SELENON: variants seen among roughly 807,000 people sequenced by gnomAD.
The protein encoded by SELENON is selenoprotein N, 1.
In SELENON, 44 loss-of-function variants were observed where a neutral mutation model predicts 59.5. The observed-to-expected ratio is 0.74, with a 90% confidence interval of 0.58 to 0.95. The LOEUF (loss-of-function observed/expected upper bound fraction) is 0.95, where lower values mean the gene tolerates loss of function less well. SELENON is among the 40% of genes least tolerant of loss of function. SELENON has a pLI of 0.00. For missense variants in SELENON, 674 were observed against 721.4 expected (o/e 0.93, Z 0.75); for synonymous variants, 320 against 305.6 (o/e 1.05, Z -0.49).
rs547129530 is a variant in SELENON, at chr1:25,807,634, G to T, written c.538-946G>T. On this transcript the variant is annotated intron_variant, in intron 4 of 12. Coordinates refer to ENST00000361547, the MANE Select transcript of SELENON (RefSeq NM_020451.3). The surrounding 1 kb of genome is among the most constrained non-coding windows in gnomAD (Gnocchi z 4.5). ...GTGGCAAGCCTACAAGCAGGACCCAGGAAGGCGGGCTCGGCCTGGCCCGGC... is the reference window on the plus strand; with the variant it reads ...GTGGCAAGCCTACAAGCAGGACCCATGAAGGCGGGCTCGGCCTGGCCCGGC... Among the ~76,000 whole-genome samples the T allele has an allele frequency of 6.6e-6, 1 of 152,194 alleles. No individual in the cohort carries two copies. The highest frequency in any genetic ancestry group is 2.4e-5 in the African/African-American group (1 of 41,468).
rs560163017 is a variant in SELENON, at chr1:25,808,773, C to T, written c.731C>T (p.Pro244Leu). The change falls in exon 5 of 13, where the codon CCG becomes CTG. Residue 244 changes from proline to leucine, a missense_variant. Coordinates refer to ENST00000361547, the MANE Select transcript of SELENON (RefSeq NM_020451.3). ...TCCAACAACCGCTTCTATCCACCGCCGCCCAAGGGCAAGGAGGTGAGGACA... is the reference window on the plus strand; with the variant it reads ...TCCAACAACCGCTTCTATCCACCGCTGCCCAAGGGCAAGGAGGTGAGGACA... 7.4e-6 allele frequency: 12 copies of T among 1,613,836 alleles called. No individual in the cohort carries two copies. The highest frequency in any genetic ancestry group is 4.5e-5 in the East Asian group (2 of 44,886).
intron 7 of SELENON, among the ~76,000 whole-genome samples, chr1:25,811,072 C>G (rs2047955187): frequency 6.6e-6 from 1 of 152,238 alleles, no homozygotes; most frequent in South Asian, 2.1e-4. Flanking sequence ...TGCTGCCCGC[C>G]AGAGGCCTGT....
chr1:25,813,899 G>A lies in SELENON; in HGVS notation c.1406G>A (p.Arg469Gln), dbSNP rs779162837. 20 of 1,613,994 alleles carry A rather than the reference G, an allele frequency of 1.2e-5. No individual in the cohort carries two copies. In the East Asian group the frequency reaches 1.6e-4, roughly 13 times the overall value. ...TGAACAGGTTCAGGGCGGACTCTCC[G>A]GGAGACTGTCCTGGAAAGTTCGCCC... The change falls in exon 11 of 13, where the codon CGG (arginine) becomes CAG (glutamine). Residue 469 changes from arginine to glutamine, a missense_variant. Physicochemically the swap from Arg to Gln is conservative, Grantham distance 43. Coordinates refer to ENST00000361547, the MANE Select transcript of SELENON (RefSeq NM_020451.3).
intron 10 of SELENON, 147 bp downstream of exon 9, chr1:25,812,939 G>A: frequency 1.6e-6 from 1 of 641,590 alleles, no homozygotes; most frequent in Non-Finnish European, 2.7e-6. Context: ...TGAGGGCTTG[G>A]GGGTTTCTGT....
intron 9 of SELENON, 74 bp downstream of exon 8, chr1:25,811,953 G>T: frequency 6.9e-7 from 1 of 1,450,774 alleles, no homozygotes; most frequent in Non-Finnish European, 9.4e-7. Context: ...GCAGCAGCTG[G>T]GCACAGACGC....
rs72877458 is a variant in SELENON, at chr1:25,809,365, T to C, written c.872+215T>C. Among the ~76,000 whole-genome samples, 4,889 of 152,272 alleles carry C rather than the reference T, an allele frequency of 0.032. 257 individuals carry two copies. The highest frequency in any genetic ancestry group is 0.11 in the African/African-American group (4,631 of 41,530). ...GCACGTGAGGGTTCAGAAAGAAAAG[T>C]TGTGGAACTTGCTTGGCACGGGGCT... On this transcript the variant is annotated intron_variant, in intron 6 of 12. Coordinates refer to ENST00000361547, the MANE Select transcript of SELENON (RefSeq NM_020451.3).
intron 12 of SELENON, 50 bp from the exon 12 acceptor site, chr1:25,815,498 G>A (rs2048002389): frequency 1.3e-6 from 2 of 1,556,710 alleles, no homozygotes; most frequent in African/African-American, 1.4e-5. Flanking sequence ...GGCACAGGGA[G>A]CCTGGGGGCC....
chr1:25,801,792 G>A lies in SELENON; in HGVS notation c.302-224G>A, dbSNP rs559536609. Among the ~76,000 whole-genome samples, 115 of 152,302 alleles carry A rather than the reference G, an allele frequency of 7.6e-4. 1 individual carries two copies. The highest frequency in any genetic ancestry group is 2.6e-3 in the African/African-American group (108 of 41,562). ...ACAGTAGCCCTGGGAGATGGACACTGTCATGATCCCCATGTTTAATAGTCT... is the reference window on the plus strand; with the variant it reads ...ACAGTAGCCCTGGGAGATGGACACTATCATGATCCCCATGTTTAATAGTCT... On this transcript the variant is annotated intron_variant, in intron 2 of 12. Coordinates refer to ENST00000361547, the MANE Select transcript of SELENON (RefSeq NM_020451.3).
At chr1:25,801,421 C>A (rs2047860300) in intron 2 of SELENON, among the ~76,000 whole-genome samples, 1 of 152,202 alleles carries the variant, frequency 6.6e-6, no homozygotes, top group African/African-American at 2.4e-5. Flanking sequence ...AATCCCAACA[C>A]TTTGGGAGAT....
chr1:25,806,089 G>A (rs1411985336), intron 4 of SELENON, among the ~76,000 whole-genome samples: 11 of 152,202 alleles, frequency 7.2e-5, no homozygotes, highest in Admixed American at 5.9e-4. Flanking sequence ...CACACAGCCC[G>A]ACCCAGCCTT....
chr1:25,809,139 T>C lies in SELENON; in HGVS notation c.861T>C (p.Thr287=). The change falls in exon 6 of 13, where the codon ACT becomes ACC. Residue 287 remains threonine (T), a synonymous_variant. Transcript: ENST00000361547. ...CTGCCATCAGCGACTTCTACTACAC[T>C]GTGATGTTCCGGTGAGTGGGCCACA... is the stretch of plus-strand genomic sequence containing the variant. 6.2e-7 allele frequency: 1 copy of C among 1,613,678 alleles called. No individual in the cohort carries two copies. Among genetic ancestry groups the C allele is most frequent in the Non-Finnish European group, 8.5e-7 (1 of 1,179,998 alleles).
Position 25,812,781 on chromosome 1 carries a change from A to AGTCCTGCTGAGGTGAGGG in SELENON, c.1378_1387+8dup. The stretch of plus-strand genomic sequence containing the variant: ...CTGCTGTGGGGGGCCCTGGATGACC[A>AGTCCTGCTGAGGTGAGGG]GTCCTGCTGAGGTGAGGGGCCCGGC... On this transcript the variant is annotated stop_gained and inframe_insertion, in exon 10 of 13. Transcript: ENST00000361547. LOFTEE classifies it high-confidence loss of function. 1 of 1,612,610 alleles carries AGTCCTGCTGAGGTGAGGG rather than the reference A, an allele frequency of 6.2e-7. No individual in the cohort carries two copies. The highest frequency in any genetic ancestry group is 8.5e-7 in the Non-Finnish European group (1 of 1,179,268).
In SELENON at chr1:25,809,679, A is replaced by G; in HGVS notation, c.873-4A>G. 1 of 1,613,740 alleles carries G rather than the reference A, an allele frequency of 6.2e-7. No individual in the cohort carries two copies. Among genetic ancestry groups the G allele is most frequent in the Non-Finnish European group, 8.5e-7 (1 of 1,180,018 alleles). ...TCTGGTGCAGCAGATCCCCTTCCCC[A>G]CAGGATCCATGCCGAGTTCCAGCTC... On this transcript the variant is annotated splice_polypyrimidine_tract_variant and splice_region_variant and intron_variant, in intron 6 of 12. Coordinates refer to ENST00000361547, the MANE Select transcript of SELENON (RefSeq NM_020451.3).
At chr1:25,806,082 A>G (rs773848271) in intron 4 of SELENON, among the ~76,000 whole-genome samples, 1 of 152,184 alleles carries the variant, frequency 6.6e-6, no homozygotes, top group Non-Finnish European at 1.5e-5. Flanking sequence ...CCCAGCCCAC[A>G]CAGCCCGACC....
Position 25,809,813 on chromosome 1 carries a change from A to G in SELENON, c.1003A>G (p.Asn335Asp). Residue 335 changes from asparagine (N) to aspartate (D), a missense_variant, in exon 7 of 13, where the codon AAC (asparagine) becomes GAC (aspartate). Physicochemically the swap from Asn to Asp is conservative, Grantham distance 23 (BLOSUM62 1). Transcript: ENST00000361547. The stretch of plus-strand genomic sequence containing the variant: ...CCGCGACTTCCGGCTCTTCGTGCCC[A>G]ACCACAGGTGGGAGCTTGACCCTGG... 6.2e-7 allele frequency: 1 copy of G among 1,613,624 alleles called. No homozygotes were observed. Among genetic ancestry groups the G allele is most frequent in the South Asian group, 1.1e-5 (1 of 91,078 alleles).
intron 5 of SELENON, 82 bp from the exon 5 acceptor site, chr1:25,808,944 C>G: frequency 6.2e-7 from 1 of 1,608,124 alleles, no homozygotes; most frequent in Non-Finnish European, 8.5e-7. Context: ...CCTGGGCCGT[C>G]GGGTCTGGGC....
rs1331242106 is a variant in SELENON at position 25,814,124 on chromosome 1, G to C, written c.1548G>C (p.Leu516=). 1 of 1,614,212 alleles carries C rather than the reference G, an allele frequency of 6.2e-7. No individual in the cohort carries two copies. The highest frequency in any genetic ancestry group is 2.2e-5 in the East Asian group (1 of 44,882). ...ACCAGAAGCTGGCTGGCCTGCACCT[G>C]GAGAAGTACAGCTTCCCCGTGGAGA... is the stretch of plus-strand genomic sequence containing the variant. The change falls in exon 12 of 13, where the codon CTG becomes CTC. Residue 516 remains leucine (L), a synonymous_variant. Transcript: ENST00000361547.
chr1:25,814,819 T>C (rs2047996660), intron 12 of SELENON, among the ~76,000 whole-genome samples: 1 of 152,064 alleles, frequency 6.6e-6, no homozygotes, highest in Non-Finnish European at 1.5e-5. Flanking sequence ...GCATGGTTAG[T>C]GTGGGACCCA....
At chr1:25,803,507 T>G (rs896064490) in intron 3 of SELENON, among the ~76,000 whole-genome samples, 1 of 152,148 alleles carries the variant, frequency 6.6e-6, no homozygotes, top group Non-Finnish European at 1.5e-5. Context: ...CAAATGTTAC[T>G]CATAAGTCAG....
Sources: allele counts gnomAD v4.1 joint callset (sites outside exome capture counted in the v4.1 genomes callset), GRCh38; gene constraint gnomAD v4.1.1; non-coding constraint Gnocchi (gnomAD v3.1); transcripts MANE v1.5; gene names NCBI Gene and HGNC (gene_info 2026-07-23, HGNC 2026-07-21).